GLIS3: variants seen among roughly 807,000 people sequenced by gnomAD.
The protein encoded by GLIS3 is GLIS family zinc finger 3.
Under a neutral mutation model 78.6 loss-of-function variants are expected in GLIS3, and 53 were observed. The observed-to-expected ratio is 0.67, with a 90% confidence interval of 0.54 to 0.85. The LOEUF (loss-of-function observed/expected upper bound fraction) is 0.85. Among genes scored for constraint, GLIS3 ranks in the 40% least tolerant of loss-of-function variants. The probability of loss-of-function intolerance (pLI) is 0.00; values close to 1 mark genes in which losing one functional copy is unlikely to be tolerated. For synonymous variants in GLIS3, 684 were observed against 509.9 expected, an observed-to-expected ratio of 1.34 and a Z score of -4.60; for missense variants, 1,703 against 1,231.1, an observed-to-expected ratio of 1.38 and a Z score of -5.74.
chr9:4,460,370 G>A, the GLIS3 span, among the ~76,000 whole-genome samples: 14 of 152,326 alleles, frequency 9.2e-5, no homozygotes, highest in East Asian at 2.7e-3. Context: ...AGAAAATGTA[G>A]TGAATGAACT....
chr9:3,871,318 T>G (rs1475558770), intron 8 of GLIS3, among the ~76,000 whole-genome samples: 1 of 152,146 alleles, frequency 6.6e-6, no homozygotes, highest in Non-Finnish European at 1.5e-5. Context: ...GGATCTACCA[T>G]TCTGGGGTCT....
At chr9:4,266,122 G>T (rs1214588831) in intron 2 of GLIS3, among the ~76,000 whole-genome samples, 1 of 151,912 alleles carries the variant, frequency 6.6e-6, no homozygotes, top group Non-Finnish European at 1.5e-5. Flanking sequence ...GTTTCACCAT[G>T]TTATCCAGGA....
intron 2 of GLIS3, among the ~76,000 whole-genome samples, chr9:4,158,473 C>G (rs1160505981): frequency 2.0e-5 from 3 of 152,162 alleles, no homozygotes; most frequent in African/African-American, 7.2e-5. Flanking sequence ...TTTACCTAAG[C>G]AGAAGTAGTG....
At chr9:4,362,490 C>A in the GLIS3 span, among the ~76,000 whole-genome samples, 1 of 152,132 alleles carries the variant, frequency 6.6e-6, no homozygotes, top group African/African-American at 2.4e-5. Flanking sequence ...CGGCATGGGG[C>A]CAGTTTTATT....
At chr9:4,389,231 A>G in the GLIS3 span, among the ~76,000 whole-genome samples, 1 of 152,212 alleles carries the variant, frequency 6.6e-6, no homozygotes, top group Non-Finnish European at 1.5e-5. Flanking sequence ...CAAAGGATAG[A>G]GATGAGATTC....
intron 2 of GLIS3, among the ~76,000 whole-genome samples, chr9:4,258,279 G>C (rs146367699): frequency 0.012 from 1,800 of 152,202 alleles, 29 homozygotes; most frequent in African/African-American, 0.041. Flanking sequence ...GATCCATAAA[G>C]AATAGTGAAA....
intron 9 of GLIS3, among the ~76,000 whole-genome samples, chr9:3,843,537 C>T (rs1186041661): frequency 6.6e-6 from 1 of 152,184 alleles, no homozygotes; most frequent in African/African-American, 2.4e-5. Flanking sequence ...CATCTGGCTA[C>T]CAGGAAGCCT....
intron 9 of GLIS3, among the ~76,000 whole-genome samples, chr9:3,839,583 C>CAAAA (rs113301703): frequency 2.1e-5 from 3 of 140,734 alleles, no homozygotes; most frequent in Non-Finnish European, 3.1e-5. Flanking sequence ...AGTTTACAGC[C>CAAAA]AAAAAAAAAA....
intron 2 of GLIS3, among the ~76,000 whole-genome samples, chr9:4,339,810 G>C (rs189737680): frequency 1.8e-3 from 1 of 550 alleles, no homozygotes; most frequent in Non-Finnish European, 0.014. Flanking sequence ...AGGGGGAGGG[G>C]AGGGGAGGGG....
At chr9:4,475,895 G>A in the GLIS3 span, among the ~76,000 whole-genome samples, 1 of 152,124 alleles carries the variant, frequency 6.6e-6, no homozygotes, top group African/African-American at 2.4e-5. Flanking sequence ...CTCTGATTGT[G>A]CCAGTTTCTT....
chr9:4,281,478 T>C (rs1416690822), intron 2 of GLIS3, among the ~76,000 whole-genome samples: 1 of 152,202 alleles, frequency 6.6e-6, no homozygotes, highest in African/African-American at 2.4e-5. Context: ...CACCACTCTT[T>C]CTGACTATAT....
At chr9:4,473,933 C>A in the GLIS3 span, among the ~76,000 whole-genome samples, 18 of 151,970 alleles carry the variant, frequency 1.2e-4, no homozygotes, top group African/African-American at 4.3e-4. Context: ...CTAAAAAAGA[C>A]CTAAATAAAT....
At chr9:4,477,984 A>G in the GLIS3 span, among the ~76,000 whole-genome samples, 1,281 of 152,330 alleles carry the variant, frequency 8.4e-3, 19 homozygotes, top group African/African-American at 0.028. Flanking sequence ...AAGGCCCAGA[A>G]ACAACATAGC....
the GLIS3 span, among the ~76,000 whole-genome samples, chr9:4,451,010 A>T: frequency 6.6e-6 from 1 of 152,344 alleles, no homozygotes; most frequent in East Asian, 1.9e-4. Flanking sequence ...ACTAACCTTA[A>T]ATGTAAATGG....
In GLIS3 at chr9:4,076,714, A is replaced by C. The variant is rs898948547; in HGVS notation, c.1710+41054T>G. 5.9e-5 allele frequency among the ~76,000 whole-genome samples: 9 copies of C among 152,192 alleles called. No individual in the cohort carries two copies. In the South Asian group the frequency reaches 8.3e-4, roughly 14 times the overall value. ...GAATGTTTCTGTGATGCCACTTCAT[A>C]GCCTGTCTTATTTTTCCTAAAAATA... On this transcript the variant is annotated intron_variant, in intron 4 of 10. Coordinates refer to ENST00000381971, the MANE Select transcript of GLIS3 (RefSeq NM_001042413.2).
chr9:4,454,060 A>C, the GLIS3 span, among the ~76,000 whole-genome samples: 1 of 151,982 alleles, frequency 6.6e-6, no homozygotes, highest in Non-Finnish European at 1.5e-5. Context: ...TCTTTTAAAA[A>C]TCAGCTTTAT....
intron 2 of GLIS3, among the ~76,000 whole-genome samples, chr9:4,320,833 C>T (rs574288516): frequency 1.3e-5 from 2 of 152,178 alleles, no homozygotes; most frequent in African/African-American, 4.8e-5. Flanking sequence ...GCTTCCTAAG[C>T]GGTCCATCCA....
At chr9:4,204,519 G>T (rs1819676097) in intron 2 of GLIS3, among the ~76,000 whole-genome samples, 1 of 152,098 alleles carries the variant, frequency 6.6e-6, no homozygotes, top group African/African-American at 2.4e-5. Flanking sequence ...AGTAAGAGGA[G>T]CCCACCAAGG....
intron 2 of GLIS3, among the ~76,000 whole-genome samples, chr9:4,226,991 T>A (rs1480386167): frequency 6.6e-6 from 1 of 152,154 alleles, no homozygotes; most frequent in Admixed American, 6.5e-5. Flanking sequence ...TGGTGAGAAC[T>A]AGCAACAGGA....
Sources: gnomAD v4.1 joint callset for allele counts (sites outside exome capture counted in the v4.1 genomes callset) on GRCh38, gnomAD v4.1.1 for gene constraint, MANE v1.5 for transcripts, NCBI Gene and HGNC (gene_info 2026-07-23, HGNC 2026-07-21) for gene names.